PRKCA: variants seen among roughly 807,000 people sequenced by gnomAD.
The protein encoded by PRKCA is protein kinase C alpha.
PRKCA carries 27 observed loss-of-function variants against 87.0 expected under a neutral mutation model. The observed-to-expected ratio is 0.31, with a 90% CI of 0.23 to 0.43. PRKCA has a LOEUF of 0.43. PRKCA is among the 20% of genes least tolerant of loss of function. PRKCA has a pLI of 1.00. For synonymous variants in PRKCA, 329 were observed against 311.1 expected, an observed-to-expected ratio of 1.06 and a Z score of -0.61; for missense variants, 518 against 852.3, an observed-to-expected ratio of 0.61 and a Z score of 4.88.
chr17:66,466,874 T>TA (rs113767550), intron 2 of PRKCA, among the ~76,000 whole-genome samples: 10,440 of 145,680 alleles, frequency 0.072, 1,162 homozygotes, highest in African/African-American at 0.24. Context: ...TTCCTTCATT[T>TA]AAAAAAAAAA....
intron 2 of PRKCA, among the ~76,000 whole-genome samples, chr17:66,326,835 C>A (rs1319648085): frequency 6.6e-6 from 1 of 152,138 alleles, no homozygotes; most frequent in African/African-American, 2.4e-5. Flanking sequence ...TCTTGATAAT[C>A]TAAAGTTTGA....
chr17:66,358,471 T>A (rs1445277004), intron 2 of PRKCA, among the ~76,000 whole-genome samples: 2 of 152,086 alleles, frequency 1.3e-5, no homozygotes, highest in South Asian at 2.1e-4. Flanking sequence ...AATGAATACA[T>A]GTGTGAATTA....
intron 5 of PRKCA, among the ~76,000 whole-genome samples, chr17:66,652,239 G>A (rs150734170): frequency 2.5e-4 from 38 of 152,292 alleles, no homozygotes; most frequent in African/African-American, 7.5e-4. Context: ...GATTACAGGC[G>A]TGAGCCACCG....
chr17:66,807,523 A>G lies in PRKCA; in HGVS notation c.*3486A>G, dbSNP rs565214298. 3 of 152,374 alleles carry G rather than the reference A, an allele frequency of 2.0e-5. No homozygotes were observed. The East Asian group carries it at 5.8e-4, about 29-fold the overall frequency. 9.4% of individuals were successfully genotyped at this position (152,374 alleles called of 1,614,324 possible). On this transcript the variant is annotated 3_prime_UTR_variant, in exon 17 of 17. Coordinates refer to ENST00000413366, the MANE Select transcript of PRKCA (RefSeq NM_002737.3). This position sits in a 1 kb window ranked among gnomAD's most constrained non-coding sequence, Gnocchi z 4.3. ...AGGCAGATCAGAAACCACAGGAGTC[A>G]AAATTATTGCTCCGGCAGTGCTTCC...
intron 3 of PRKCA, among the ~76,000 whole-genome samples, chr17:66,500,305 G>A (rs1049502048): frequency 6.6e-6 from 1 of 152,204 alleles, no homozygotes; most frequent in Non-Finnish European, 1.5e-5. Flanking sequence ...CTGGCTGTAT[G>A]CAGGATGATT....
intron 2 of PRKCA, among the ~76,000 whole-genome samples, chr17:66,392,662 C>T (rs991581283): frequency 2.6e-5 from 4 of 152,130 alleles, no homozygotes; most frequent in East Asian, 1.9e-4. Context: ...CAGCTGCATC[C>T]GCCTTGCTGT....
chr17:66,533,796 C>G (rs1245821793), intron 3 of PRKCA, among the ~76,000 whole-genome samples: 5 of 152,164 alleles, frequency 3.3e-5, no homozygotes, highest in African/African-American at 1.2e-4. Flanking sequence ...AGGCTTCTTT[C>G]TGCTGCTGCA....
chr17:66,553,623 T>C (rs1160263598), intron 3 of PRKCA, among the ~76,000 whole-genome samples: 1 of 152,232 alleles, frequency 6.6e-6, no homozygotes, highest in Non-Finnish European at 1.5e-5. Context: ...CTGTTTTTCT[T>C]GGATCACTTG....
chr17:66,526,424 T>A (rs979692262), intron 3 of PRKCA, among the ~76,000 whole-genome samples: 7 of 152,164 alleles, frequency 4.6e-5, no homozygotes, highest in African/African-American at 1.2e-4. Flanking sequence ...GTTGGCTGAT[T>A]TCACCTGTGC....
intron 2 of PRKCA, among the ~76,000 whole-genome samples, chr17:66,431,710 T>C (rs1488087898): frequency 6.6e-6 from 1 of 152,176 alleles, no homozygotes; most frequent in African/African-American, 2.4e-5. Context: ...CTTCTGAAAC[T>C]AAGAATTTAG....
chr17:66,389,621 G>A (rs1910255536), intron 2 of PRKCA, among the ~76,000 whole-genome samples: 1 of 152,204 alleles, frequency 6.6e-6, no homozygotes, highest in African/African-American at 2.4e-5. Flanking sequence ...GGCCAGGATG[G>A]TTGGCAGTGA....
intron 3 of PRKCA, among the ~76,000 whole-genome samples, chr17:66,617,877 T>C (rs570034768): frequency 1.9e-4 from 29 of 152,286 alleles, no homozygotes; most frequent in African/African-American, 6.7e-4. Flanking sequence ...TTGAGAGTTT[T>C]GTCAGGCCAA....
intron 2 of PRKCA, among the ~76,000 whole-genome samples, chr17:66,377,544 TATATATAATGCCTATATTAC>T (rs2143568855): frequency 6.8e-6 from 1 of 147,906 alleles, no homozygotes; most frequent in Non-Finnish European, 1.5e-5. Flanking sequence ...CTATATTATG[TATATATAATGCCTATATTAC>T]ATATATAATA....
intron 2 of PRKCA, among the ~76,000 whole-genome samples, chr17:66,404,412 A>G (rs957516728): frequency 6.6e-6 from 1 of 152,172 alleles, no homozygotes; most frequent in Non-Finnish European, 1.5e-5. Context: ...ATGATAATAC[A>G]TTGCAGCATT....
intron 3 of PRKCA, among the ~76,000 whole-genome samples, chr17:66,561,923 T>C (rs1330263207): frequency 1.3e-5 from 2 of 151,022 alleles, no homozygotes; most frequent in African/African-American, 2.4e-5. Context: ...GGGTATAGAG[T>C]TTCAGTTGTG....
chr17:66,743,697 AC>A (rs1974206169), intron 13 of PRKCA, among the ~76,000 whole-genome samples: 1 of 152,164 alleles, frequency 6.6e-6, no homozygotes. Flanking sequence ...TCCCATCTGT[AC>A]CCAGCATGGT....
At chr17:66,681,787 G>A (rs145628266) in intron 5 of PRKCA, among the ~76,000 whole-genome samples, 7 of 152,324 alleles carry the variant, frequency 4.6e-5, no homozygotes, top group Non-Finnish European at 7.4e-5. Flanking sequence ...ACCCATTCAC[G>A]TGAGATGGCC....
intron 5 of PRKCA, among the ~76,000 whole-genome samples, chr17:66,673,752 C>A (rs1356223844): frequency 2.0e-5 from 3 of 152,158 alleles, no homozygotes; most frequent in Admixed American, 2.0e-4. Flanking sequence ...GTTGATGACA[C>A]CTGTGCATTT....
intron 5 of PRKCA, among the ~76,000 whole-genome samples, chr17:66,670,820 C>T (rs912011804): frequency 2.0e-5 from 3 of 151,896 alleles, no homozygotes; most frequent in African/African-American, 7.3e-5. Flanking sequence ...CATGATCACA[C>T]TACTACACTC....
Sources: allele counts gnomAD v4.1 joint callset (sites outside exome capture counted in the v4.1 genomes callset), GRCh38; gene constraint gnomAD v4.1.1; non-coding constraint Gnocchi (gnomAD v3.1); transcripts MANE v1.5; gene names NCBI Gene and HGNC (gene_info 2026-07-23, HGNC 2026-07-21).